RIT2: variants seen among roughly 807,000 people sequenced by gnomAD.
The protein encoded by RIT2 is GTP-binding protein Rit2.
A neutral mutation model predicts 23.7 loss-of-function variants in RIT2; 24 were observed. The ratio of observed to expected loss-of-function variants is 1.01; its 90% CI spans 0.73 to 1.43. The LOEUF is 1.43. Among genes scored for constraint, RIT2 ranks in the 40% most tolerant of loss-of-function variants. The pLI is 0.00. For synonymous variants in RIT2, 107 were observed against 91.1 expected (o/e 1.17, Z -0.99); for missense variants, 236 against 266.9 (o/e 0.88, Z 0.81).
chr18:43,087,715 C>T (rs540477789), intron 1 of RIT2, among the ~76,000 whole-genome samples: 5 of 152,086 alleles, frequency 3.3e-5, no homozygotes, highest in African/African-American at 7.2e-5. Flanking sequence ...TGTAACTGCT[C>T]GAATAGTACA....
chr18:42,866,153 T>A (rs779803802), intron 4 of RIT2, among the ~76,000 whole-genome samples: 1 of 152,192 alleles, frequency 6.6e-6, no homozygotes, highest in African/African-American at 2.4e-5. Flanking sequence ...TTTGAAACAA[T>A]TGACATGAGA....
intron 4 of RIT2, among the ~76,000 whole-genome samples, chr18:42,900,307 G>A (rs939873234): frequency 4.3e-4 from 66 of 152,094 alleles, no homozygotes; most frequent in African/African-American, 1.5e-3. Context: ...TTAAAATAAT[G>A]TCTCTGGGGC....
intron 4 of RIT2, among the ~76,000 whole-genome samples, chr18:42,908,128 C>T (rs1598709948): frequency 6.9e-6 from 1 of 145,542 alleles, no homozygotes; most frequent in East Asian, 2.1e-4. Flanking sequence ...ACAAAATAAC[C>T]AAACAAAGAA....
intron 4 of RIT2, among the ~76,000 whole-genome samples, chr18:42,769,487 G>A (rs1456843151): frequency 6.6e-6 from 1 of 151,966 alleles, no homozygotes; most frequent in African/African-American, 2.4e-5. Flanking sequence ...AAATGGCCAG[G>A]TTCAATGGGA....
At chr18:43,012,917 T>C (rs1004651733) in intron 2 of RIT2, among the ~76,000 whole-genome samples, 1 of 151,786 alleles carries the variant, frequency 6.6e-6, no homozygotes, top group Non-Finnish European at 1.5e-5. Context: ...TATTACAATA[T>C]TATTGATTTT....
At chr18:43,062,825 T>A (rs1472868538) in intron 1 of RIT2, among the ~76,000 whole-genome samples, 1 of 152,084 alleles carries the variant, frequency 6.6e-6, no homozygotes, top group Non-Finnish European at 1.5e-5. Context: ...GACACGCAAA[T>A]GGTGATTCAG....
intron 3 of RIT2, among the ~76,000 whole-genome samples, chr18:42,973,865 A>G (rs1013761436): frequency 6.6e-6 from 1 of 150,406 alleles, no homozygotes; most frequent in Admixed American, 6.6e-5. Flanking sequence ...TAACACCTAT[A>G]TGGACTCTTT....
intron 2 of RIT2, among the ~76,000 whole-genome samples, chr18:43,026,634 A>AAGAGAGAG (rs778464703): frequency 7.4e-4 from 74 of 100,360 alleles, no homozygotes; most frequent in South Asian, 3.8e-3. Flanking sequence ...GAAAGAAAGA[A>AAGAGAGAG]AGAGAGAAAG....
intron 2 of RIT2, among the ~76,000 whole-genome samples, chr18:43,030,710 A>C (rs1911833989): frequency 1.3e-5 from 2 of 152,218 alleles, no homozygotes; most frequent in African/African-American, 4.8e-5. Flanking sequence ...CCTGTTATAA[A>C]GGTAGAAACA....
intron 1 of RIT2, among the ~76,000 whole-genome samples, chr18:43,088,822 G>A (rs1241660996): frequency 6.6e-6 from 1 of 152,028 alleles, no homozygotes; most frequent in African/African-American, 2.4e-5. Flanking sequence ...TATGTTCAAT[G>A]TTCTCCTTTA....
At chr18:42,997,105 A>T (rs543059086) in intron 2 of RIT2, among the ~76,000 whole-genome samples, 9 of 152,244 alleles carry the variant, frequency 5.9e-5, no homozygotes, top group African/African-American at 2.2e-4. Context: ...AGCAAAAGAC[A>T]AGGACACATA....
intron 1 of RIT2, among the ~76,000 whole-genome samples, chr18:43,101,690 G>A (rs1913688207): frequency 6.6e-6 from 1 of 152,114 alleles, no homozygotes; most frequent in Non-Finnish European, 1.5e-5. Flanking sequence ...ATATAAATAA[G>A]CTAAGAATGG....
intron 4 of RIT2, among the ~76,000 whole-genome samples, chr18:42,863,298 G>T (rs891714989): frequency 6.6e-6 from 1 of 152,122 alleles, no homozygotes; most frequent in Non-Finnish European, 1.5e-5. Context: ...GGGTATGTAG[G>T]TGTGTATATG....
intron 4 of RIT2, among the ~76,000 whole-genome samples, chr18:42,881,307 T>C (rs981264275): frequency 1.3e-5 from 2 of 152,252 alleles, no homozygotes; most frequent in Non-Finnish European, 2.9e-5. Flanking sequence ...TCTCAATTTT[T>C]ATTCAATAAT....
chr18:43,110,036 C>T (rs183781096), intron 1 of RIT2, among the ~76,000 whole-genome samples: 5 of 152,198 alleles, frequency 3.3e-5, no homozygotes, highest in Admixed American at 2.6e-4. Context: ...TAGTTCTGTG[C>T]TTAGATACCT....
In RIT2 at chr18:43,115,527, G is replaced by A. The variant is rs1282078106; in HGVS notation, c.-8C>T. The stretch of plus-strand genomic sequence containing the variant: ...TTCATTTTCTACCTCCATCTTACCC[G>A]AGGGACCGGAGGAAAAAAAGAAGGA... On this transcript the variant is annotated 5_prime_UTR_variant, in exon 1 of 5. Coordinates refer to ENST00000326695, the MANE Select transcript of RIT2 (RefSeq NM_002930.4). 3 of 1,604,122 alleles carry A rather than the reference G, an allele frequency of 1.9e-6. No homozygotes were observed. The African/African-American group carries it at 4.0e-5, about 22-fold the overall frequency.
intron 4 of RIT2, among the ~76,000 whole-genome samples, chr18:42,886,793 T>C (rs1472965268): frequency 6.6e-6 from 1 of 152,120 alleles, no homozygotes; most frequent in Non-Finnish European, 1.5e-5. Context: ...AGATTGGCTG[T>C]TTTTTAATTA....
chr18:43,023,528 C>T (rs752535664), intron 2 of RIT2, among the ~76,000 whole-genome samples: 3 of 152,010 alleles, frequency 2.0e-5, no homozygotes, highest in African/African-American at 4.8e-5. Flanking sequence ...ATTATATCTA[C>T]ATTATTTCAC....
intron 4 of RIT2, among the ~76,000 whole-genome samples, chr18:42,809,421 T>G (rs1467012847): frequency 2.0e-5 from 3 of 152,042 alleles, no homozygotes; most frequent in Non-Finnish European, 4.4e-5. Flanking sequence ...AACTGGGGAA[T>G]TTCAAATAAA....
Sources: gnomAD v4.1 joint callset for allele counts (sites outside exome capture counted in the v4.1 genomes callset) on GRCh38, gnomAD v4.1.1 for gene constraint, MANE v1.5 for transcripts, NCBI Gene and HGNC (gene_info 2026-07-23, HGNC 2026-07-21) for gene names.